FSIP2: variants seen among roughly 807,000 people sequenced by gnomAD.
FSIP2 encodes fibrous sheath interacting protein 2, also known as fibrous sheath-interacting protein 2.
Under a neutral mutation model 510.5 loss-of-function variants are expected in FSIP2, and 367 were observed. The ratio of observed to expected loss-of-function variants is 0.72; its 90% confidence interval spans 0.66 to 0.78. FSIP2 has a LOEUF of 0.78. Ranked by LOEUF, FSIP2 falls within the 30% of genes least tolerant of loss-of-function variation. The pLI, the probability that FSIP2 is intolerant of heterozygous loss-of-function variation, is 0.00. For synonymous variants in FSIP2, 2,601 were observed against 2,732.2 expected (o/e 0.95, Z 1.50); for missense variants, 7,594 against 7,901.7 (o/e 0.96, Z 1.48).
chr2:185,810,537 CTTTTTTTTTTT>C (rs11298474), intron 17 of FSIP2, among the ~76,000 whole-genome samples: 1 of 107,034 alleles, frequency 9.3e-6, no homozygotes, highest in African/African-American at 3.6e-5. Context: ...AGTTAAACCT[CTTTTTTTTTTT>C]TTTTTTTTTT....
chr2:185,809,937 A>G (rs541026666), intron 17 of FSIP2, among the ~76,000 whole-genome samples: 3 of 152,092 alleles, frequency 2.0e-5, no homozygotes, highest in Non-Finnish European at 4.4e-5. Context: ...TCTCGCCAAC[A>G]GATAGGTTGC....
At chr2:185,821,508 T>C (rs913612908) in intron 19 of FSIP2, among the ~76,000 whole-genome samples, 2 of 151,936 alleles carry the variant, frequency 1.3e-5, no homozygotes, top group African/African-American at 4.8e-5. Flanking sequence ...TACTGATGAA[T>C]ATTGATGCAA....
chr2:185,775,519 T>G (rs1290088350), intron 13 of FSIP2, among the ~76,000 whole-genome samples: 1 of 151,994 alleles, frequency 6.6e-6, no homozygotes, highest in African/African-American at 2.4e-5. Flanking sequence ...TTTCTCCCAT[T>G]TTGTAGGTTG....
intron 4 of FSIP2, 141 bp downstream of exon 4, chr2:185,744,552 C>T: frequency 4.1e-6 from 1 of 245,568 alleles, no homozygotes; most frequent in South Asian, 1.6e-4. Flanking sequence ...TGAAAATTTA[C>T]AGTAGGAATA....
At chr2:185,748,271 T>C (rs1415520820) in intron 7 of FSIP2, among the ~76,000 whole-genome samples, 4 of 151,880 alleles carry the variant, frequency 2.6e-5, no homozygotes, top group African/African-American at 9.7e-5. Flanking sequence ...ATTTTTCTTC[T>C]TTCTTTTTTG....
chr2:185,802,511 TG>T lies in FSIP2; in HGVS notation c.13207del (p.Glu4403LysfsTer6). 6.5e-7 allele frequency: 1 copy of T among 1,532,302 alleles called. No individual in the cohort carries two copies. The highest frequency in any genetic ancestry group is 8.7e-7 in the Non-Finnish European group (1 of 1,144,898). The allele number at this position is 1,532,302 out of a possible 1,614,324, so 94.9% of individuals were successfully genotyped here. A position where few individuals can be genotyped will look rare whatever the true frequency, so the allele number is the denominator to read the frequency against. On this transcript the variant is annotated frameshift_variant, in exon 17 of 23. Transcript: ENST00000424728. LOFTEE classifies it high-confidence loss of function. ...GAGTCTGAAGACAGTGGCATTTTTG[TG>T]GAAAATATTACCAATTTAATTGTAG... ...DKESEDSGIFVENITNLIVAA... is the reference protein window; with the variant it reads ...DKESEDSGIFXENITNLIVAA...
chr2:185,772,952 C>A (rs374935853), intron 13 of FSIP2, among the ~76,000 whole-genome samples: 1 of 152,184 alleles, frequency 6.6e-6, no homozygotes, highest in East Asian at 1.9e-4. Flanking sequence ...TCTCCACATC[C>A]TAGGCTCAAG....
In FSIP2 at chr2:185,791,150, T is replaced by G; in HGVS notation, c.4014T>G (p.Asp1338Glu). 6.5e-7 allele frequency: 1 copy of G among 1,533,440 alleles called. No homozygotes were observed. The highest frequency in any genetic ancestry group is 8.7e-7 in the Non-Finnish European group (1 of 1,145,106). 95.0% of individuals were successfully genotyped at this position (1,533,440 alleles called of 1,614,324 possible). The change falls in exon 16 of 23, where the codon GAT (aspartate) becomes GAG (glutamate). Residue 1338 changes from aspartate to glutamate, a missense_variant. Asp to Glu is a conservative substitution (Grantham distance 45). Coordinates refer to ENST00000424728, the MANE Select transcript of FSIP2 (RefSeq NM_173651.4). The stretch of plus-strand genomic sequence containing the variant: ...ATAAAGGATTTTTTGCTAATACTGA[T>G]AAAAAATTAGAATCTCTTGTCACGA... Reference protein sequence around the residue: ...LTDKGFFANTDKKLESLVTSI... With the variant: ...LTDKGFFANTEKKLESLVTSI...
At chr2:185,777,146 C>T (rs1304007841) in intron 13 of FSIP2, among the ~76,000 whole-genome samples, 1 of 152,094 alleles carries the variant, frequency 6.6e-6, no homozygotes, top group Non-Finnish European at 1.5e-5. Context: ...ATACATTTTC[C>T]GTCAGTTTTG....
In FSIP2 at chr2:185,808,827, G is replaced by T; in HGVS notation, c.19521G>T (p.Lys6507Asn). Residue 6507 changes from lysine to asparagine, a missense_variant, in exon 17 of 23, where the codon AAG (lysine) becomes AAT (asparagine). Lys to Asn is a moderately conservative substitution (Grantham distance 94, BLOSUM62 0). Transcript: ENST00000424728. Reference sequence around the variant, plus strand: ...TGATTCCTGAATTAGAGCAAGAAAAGTTAGATCAAAATTTATCTGAAGAGG... The same window carrying T: ...TGATTCCTGAATTAGAGCAAGAAAATTTAGATCAAAATTTATCTGAAGAGG... ...FNVIPELEQE[K>N]LDQNLSEEES... is the part of the protein sequence containing the mutation. 6.2e-7 allele frequency: 1 copy of T among 1,612,524 alleles called. No homozygotes were observed. The highest frequency in any genetic ancestry group is 8.5e-7 in the Non-Finnish European group (1 of 1,179,372).
intron 8 of FSIP2, among the ~76,000 whole-genome samples, chr2:185,754,128 T>C (rs1240325088): frequency 6.6e-6 from 1 of 151,438 alleles, no homozygotes; most frequent in African/African-American, 2.4e-5. Flanking sequence ...TACAAACTTG[T>C]ATCTAGGATA....
rs1197116351 is a variant in FSIP2 at position 185,808,287 on chromosome 2, T to C, written c.18981T>C (p.Asp6327=). The C allele has an allele frequency of 1.2e-6, 2 of 1,601,862 alleles. No homozygotes were observed. The highest frequency in any genetic ancestry group is 1.7e-6 in the Non-Finnish European group (2 of 1,176,166). The change falls in exon 17 of 23, where the codon GAT becomes GAC. Residue 6327 remains aspartate (D), a synonymous_variant. Coordinates refer to ENST00000424728, the MANE Select transcript of FSIP2 (RefSeq NM_173651.4). ...TGGAAAAAGTGATCAAAATTATTGA[T>C]GAACTTAAGTCTAAGGAAAAGTCTT... The part of the protein sequence containing the change: ...KIMEKVIKII[D]ELKSKEKSSS...
chr2:185,772,423 G>A (rs189644821), intron 13 of FSIP2, among the ~76,000 whole-genome samples: 2 of 152,304 alleles, frequency 1.3e-5, no homozygotes, highest in Admixed American at 6.5e-5. Context: ...GTTCTGCATG[G>A]CACCAGCGTT....
intron 13 of FSIP2, 49 bp downstream of exon 13, chr2:185,764,614 T>C: frequency 7.9e-7 from 1 of 1,265,430 alleles, no homozygotes; most frequent in East Asian, 2.5e-5. Context: ...CTATTTATTC[T>C]TTCAACTGAC....
In FSIP2 at chr2:185,805,210, G is replaced by T. The variant is rs1693535832; in HGVS notation, c.15904G>T (p.Glu5302Ter). ...TATTACTGAAGATTCTAAGAAAAATGAAATGGCAGAGCTAGATATTATGGG... is the reference window on the plus strand; with the variant it reads ...TATTACTGAAGATTCTAAGAAAAATTAAATGGCAGAGCTAGATATTATGGG... ...LIITEDSKKN[E>*]MAELDIMGLA... The change falls in exon 17 of 23, where the codon GAA becomes TAA. Residue 5302 changes from glutamate (E) to a stop codon, truncating the protein, a stop_gained. Transcript: ENST00000424728. LOFTEE classifies it high-confidence loss of function. 3 of 1,603,832 alleles carry T rather than the reference G, an allele frequency of 1.9e-6. No homozygotes were observed. The African/African-American group carries it at 4.0e-5, about 22-fold the overall frequency.
chr2:185,783,950 T>A (rs994586794), intron 14 of FSIP2: 1 of 152,150 alleles, frequency 6.6e-6, no homozygotes, highest in Non-Finnish European at 1.5e-5. Context: ...CTCTATACCT[T>A]ACCTGGAGCT....
chr2:185,807,830 C>T lies in FSIP2; in HGVS notation c.18524C>T (p.Ser6175Phe). ...AAACCTTCACATGCTGATAAGCTGT[C>T]TTATAACATAATAGAAGAAATTGCT... Reference protein sequence around the residue: ...LPKPSHADKLSYNIIEEIAVK... With the variant: ...LPKPSHADKLFYNIIEEIAVK... The change falls in exon 17 of 23, where the codon TCT (serine) becomes TTT (phenylalanine). Residue 6175 changes from serine to phenylalanine, a missense_variant. Physicochemically the swap from Ser to Phe is radical, Grantham distance 155. Coordinates refer to ENST00000424728, the MANE Select transcript of FSIP2 (RefSeq NM_173651.4). The T allele has an allele frequency of 6.2e-7, 1 of 1,612,082 alleles. No homozygotes were observed. Among genetic ancestry groups the T allele is most frequent in the Non-Finnish European group, 8.5e-7 (1 of 1,179,074 alleles).
chr2:185,786,322 T>C (rs1257211970), intron 15 of FSIP2, 34 bp downstream of exon 15: 2 of 1,407,972 alleles, frequency 1.4e-6, no homozygotes, highest in Admixed American at 4.2e-5. Context: ...GAAAGCAACA[T>C]ATTAGTCATA....
At position 185,797,037 on chromosome 2, in the gene FSIP2, A is replaced by G; in HGVS notation, c.9901A>G (p.Arg3301Gly). Residue 3301 changes from arginine to glycine, a missense_variant, in exon 16 of 23, where the codon AGA becomes GGA. By Grantham distance (125) the Arg-to-Gly change is moderately radical. Transcript: ENST00000424728. ...AGAAATGGGAAAAGGTGAAAATCTA[A>G]GAGTGTTTCATTATGAGAACCTAAA... ...FIEMGKGENL[R>G]VFHYENLKPV... The G allele has an allele frequency of 6.5e-7, 1 of 1,535,160 alleles. No individual in the cohort carries two copies. The highest frequency in any genetic ancestry group is 8.7e-7 in the Non-Finnish European group (1 of 1,146,238).
Sources: allele counts gnomAD v4.1 joint callset (sites outside exome capture counted in the v4.1 genomes callset), GRCh38; gene constraint gnomAD v4.1.1; transcripts MANE v1.5; gene names NCBI Gene and HGNC (gene_info 2026-07-23, HGNC 2026-07-21).